The following CCNB3 variants were observed in gnomAD, a reference collection of about 807,000 sequenced individuals.
CCNB3 encodes G2/mitotic-specific cyclin-B3.
In CCNB3, 12 loss-of-function variants were observed where a neutral mutation model predicts 68.0. The ratio of observed to expected loss-of-function variants is 0.18; its 90% confidence interval spans 0.11 to 0.29. The LOEUF (loss-of-function observed/expected upper bound fraction) is 0.29. Ranked by LOEUF, CCNB3 falls within the 10% of genes least tolerant of loss-of-function variation. The pLI, the probability that CCNB3 is intolerant of heterozygous loss-of-function variation, is 1.00. For missense variants in CCNB3, 904 were observed against 993.1 expected (o/e 0.91, Z 1.21); for synonymous variants, 354 against 388.9 (o/e 0.91, Z 1.06).
Position 50,308,926 on chromosome X carries a change from G to C in CCNB3, c.757G>C (p.Asp253His), listed in dbSNP as rs201243012. 1.1e-5 allele frequency: 13 copies of C among 1,209,815 alleles called. No individual in the cohort carries two copies. Among genetic ancestry groups the C allele is most frequent in the Admixed American group, 6.6e-5 (3 of 45,719 alleles). ...CCAGGAAGAGTCGTTGGCTGTGCAG[G>C]ATGTCAATATGGAAGAGGATTCCTT... ...SCQEESLAVQ[D>H]VNMEEDSFFM... Residue 253 changes from aspartate (D) to histidine (H), a missense_variant, in exon 6 of 13, where the codon GAT becomes CAT. Around this residue, in one of 2 missense-constraint regions of CCNB3, gnomAD observed 619 missense variants for 609.8 expected, o/e 1.02. Coordinates refer to ENST00000376042, the MANE Select transcript of CCNB3 (RefSeq NM_033031.3).
At chrX:50,348,110 C>T (rs1557220653) in intron 11 of CCNB3, among the ~76,000 whole-genome samples, 1 of 111,214 alleles carries the variant, frequency 9.0e-6, no homozygotes, top group Non-Finnish European at 1.9e-5. Context: ...TCCCCTCTTG[C>T]CTCTTGCAAT....
intron 8 of CCNB3, among the ~76,000 whole-genome samples, chrX:50,325,809 A>G (rs1922269261): frequency 1.8e-5 from 2 of 110,965 alleles, no homozygotes; most frequent in South Asian, 7.6e-4. Flanking sequence ...GTACATAATA[A>G]CCCTTTTCTC....
intron 8 of CCNB3, among the ~76,000 whole-genome samples, chrX:50,323,538 C>T (rs1361749439): frequency 2.7e-5 from 3 of 111,546 alleles, no homozygotes; most frequent in African/African-American, 9.8e-5. Flanking sequence ...GCACGTTGTG[C>T]ACATGTACCC....
chrX:50,281,622 T>C (rs758916858), intron 1 of CCNB3, among the ~76,000 whole-genome samples: 5 of 111,057 alleles, frequency 4.5e-5, no homozygotes, highest in Non-Finnish European at 7.5e-5. Context: ...CTGTACAAGA[T>C]TGGGCAGGGG....
chrX:50,203,574 C>T (rs1401311236), upstream of CCNB3, among the ~76,000 whole-genome samples: 1 of 112,412 alleles, frequency 8.9e-6, no homozygotes, highest in African/African-American at 3.2e-5. Flanking sequence ...TGCAACCATA[C>T]TAAAGTGAAA....
Position 50,351,357 on chromosome X carries a change from C to T in CCNB3, c.4077C>T (p.Tyr1359=). ...SSYDSLKAVY[Y]KYSHPVFFEV... ...ACGATAGTCTCAAGGCTGTGTATTA[C>T]AAGTATTCTCACCCGTAAGTACTAA... The change falls in exon 12 of 13, where the codon TAC becomes TAT. Residue 1359 remains tyrosine (Y), a synonymous_variant. Coordinates refer to ENST00000376042, the MANE Select transcript of CCNB3 (RefSeq NM_033031.3). The T allele has an allele frequency of 8.3e-7, 1 of 1,210,972 alleles. No homozygotes were observed. Among genetic ancestry groups the T allele is most frequent in the Non-Finnish European group, 1.1e-6 (1 of 895,154 alleles).
chrX:50,226,707 G>A (rs1312431251), intron 1 of CCNB3, among the ~76,000 whole-genome samples: 1 of 63,283 alleles, frequency 1.6e-5, no homozygotes, highest in African/African-American at 7.0e-5. Context: ...ATATACATAT[G>A]AATATGTACA....
intron 9 of CCNB3, among the ~76,000 whole-genome samples, chrX:50,345,481 C>A (rs1557220173): frequency 9.1e-6 from 1 of 110,018 alleles, no homozygotes; most frequent in East Asian, 2.9e-4. Context: ...TCTCTCCCTC[C>A]CTCACCTGCT....
Position 50,308,818 on chromosome X carries a change from C to T in CCNB3, c.649C>T (p.His217Tyr). ...VIEPMTFKKT[H>Y]KTEEAAITKK... ...AGAGCCAATGACTTTTAAGAAGACA[C>T]ATAAAACTGAGGAGGCAGCCATCAC... Residue 217 changes from histidine (H) to tyrosine (Y), a missense_variant, in exon 6 of 13, where the codon CAT becomes TAT. This residue lies in a region of CCNB3 where 619 missense variants were observed against 609.8 expected (regional missense o/e 1.02). Coordinates refer to ENST00000376042, the MANE Select transcript of CCNB3 (RefSeq NM_033031.3). The T allele has an allele frequency of 1.7e-6, 2 of 1,211,477 alleles. No individual in the cohort carries two copies. Among genetic ancestry groups the T allele is most frequent in the Non-Finnish European group, 2.2e-6 (2 of 895,447 alleles).
chrX:50,342,810 A>G (rs1445571998), intron 9 of CCNB3, among the ~76,000 whole-genome samples: 2 of 111,096 alleles, frequency 1.8e-5, no homozygotes, highest in Non-Finnish European at 3.8e-5. Flanking sequence ...GGGCTCAAGC[A>G]ATCTTCCCAC....
intron 1 of CCNB3, among the ~76,000 whole-genome samples, chrX:50,227,878 T>C (rs1935931519): frequency 1.2e-5 from 1 of 83,091 alleles, no homozygotes; most frequent in Admixed American, 1.6e-4. Flanking sequence ...TATAAATATA[T>C]AGAGAGAAAA....
intron 1 of CCNB3, among the ~76,000 whole-genome samples, chrX:50,220,742 G>A (rs1016787542): frequency 3.6e-5 from 4 of 111,464 alleles, no homozygotes; most frequent in Non-Finnish European, 5.6e-5. Flanking sequence ...TTCTTTTCTT[G>A]TTCTGTCTCT....
chrX:50,302,347 A>G (rs1936664740), intron 5 of CCNB3, among the ~76,000 whole-genome samples: 2 of 112,211 alleles, frequency 1.8e-5, no homozygotes, highest in South Asian at 7.4e-4. Flanking sequence ...CTCAGGGTTC[A>G]GTGGAAAGGA....
chrX:50,205,778 A>AC (rs371505568), intron 1 of CCNB3, among the ~76,000 whole-genome samples: 254 of 108,846 alleles, frequency 2.3e-3, no homozygotes, highest in African/African-American at 7.8e-3. Flanking sequence ...ACATGGTGAA[A>AC]CCCCGTCTCT....
rs1180618848 is a variant in CCNB3, at chrX:50,209,539, A to G, written c.-113+4589A>G. The stretch of plus-strand genomic sequence containing the variant: ...CCTGGCTAATTTTTGTATTTTTAGT[A>G]GCGATGGGGTTTCACCATGTTGGCC... On this transcript the variant is annotated intron_variant, in intron 1 of 12. Coordinates refer to ENST00000376042, the MANE Select transcript of CCNB3 (RefSeq NM_033031.3). 2.7e-5 allele frequency among the ~76,000 whole-genome samples: 3 copies of G among 111,179 alleles called. No individual in the cohort carries two copies. In the East Asian group the frequency reaches 8.5e-4, roughly 31 times the overall value.
chrX:50,211,372 T>C (rs1935480665), intron 1 of CCNB3, among the ~76,000 whole-genome samples: 1 of 111,118 alleles, frequency 9.0e-6, no homozygotes, highest in Non-Finnish European at 1.9e-5. Context: ...ATGCATGTTT[T>C]AAACATTACA....
At chrX:50,340,775 G>T (rs1375663358) in intron 8 of CCNB3, among the ~76,000 whole-genome samples, 3 of 111,821 alleles carry the variant, frequency 2.7e-5, no homozygotes, top group Non-Finnish European at 5.6e-5. Flanking sequence ...GGCTATAGGA[G>T]ATGGTTTCTT....
chrX:50,209,302 G>T (rs1220231829), intron 1 of CCNB3, among the ~76,000 whole-genome samples: 1 of 111,247 alleles, frequency 9.0e-6, no homozygotes, highest in Non-Finnish European at 1.9e-5. Context: ...CACTTAACAT[G>T]ATATCGACCC....
intron 1 of CCNB3, among the ~76,000 whole-genome samples, chrX:50,281,266 G>T (rs1936131281): frequency 9.0e-6 from 1 of 111,580 alleles, no homozygotes; most frequent in Non-Finnish European, 1.9e-5. Flanking sequence ...AATCACCACT[G>T]CACTTCATGA....
Sources: gnomAD v4.1 joint callset for allele counts (sites outside exome capture counted in the v4.1 genomes callset) on GRCh38, gnomAD v4.1.1 for gene constraint, gnomAD v4.1.1 regional missense constraint, MANE v1.5 for transcripts, NCBI Gene and HGNC (gene_info 2026-07-23, HGNC 2026-07-21) for gene names.